Variants in GASK1A observed in about 807,000 individuals in gnomAD.
The protein encoded by GASK1A is golgi associated kinase 1A.
GASK1A carries 40 observed loss-of-function variants against 41.2 expected under a neutral mutation model. That is an observed-to-expected ratio of 0.97 (90% CI 0.75 to 1.27). GASK1A has a LOEUF of 1.27. Among genes scored for constraint, GASK1A ranks in the 50% most tolerant of loss-of-function variants. The probability of loss-of-function intolerance (pLI) is 0.00; values close to 1 mark genes in which losing one functional copy is unlikely to be tolerated. For missense variants in GASK1A, 678 were observed against 745.1 expected (o/e 0.91, Z 1.05); for synonymous variants, 316 against 307.1 (o/e 1.03, Z -0.30).
intron 2 of GASK1A, among the ~76,000 whole-genome samples, chr3:43,050,741 G>A (rs986454188): frequency 1.3e-5 from 2 of 151,608 alleles, no homozygotes; most frequent in African/African-American, 4.9e-5. Flanking sequence ...GATAATCTCA[G>A]TGGACCTATC....
At chr3:43,010,612 G>A (rs2089458691) in intron 1 of GASK1A, among the ~76,000 whole-genome samples, 1 of 152,166 alleles carries the variant, frequency 6.6e-6, no homozygotes, top group South Asian at 2.1e-4. Flanking sequence ...CTCTAAGTTT[G>A]ACATTCCTTT....
chr3:43,044,176 G>T (rs1018188627), intron 2 of GASK1A, among the ~76,000 whole-genome samples: 11 of 152,326 alleles, frequency 7.2e-5, no homozygotes, highest in Admixed American at 1.3e-4. Flanking sequence ...CAGGTGTGAA[G>T]CAAAATCCAG....
chr3:43,013,984 G>GTGAAGCCACAGGAAGGGGCTGTA (rs2089477080), intron 1 of GASK1A, among the ~76,000 whole-genome samples: 2 of 151,640 alleles, frequency 1.3e-5, no homozygotes, highest in Non-Finnish European at 2.9e-5. Flanking sequence ...AAGGGGCTGT[G>GTGAAGCCACAGGAAGGGGCTGTA]TGAAGCCACA....
At chr3:42,987,724 T>C (rs1290441182) in intron 1 of GASK1A, among the ~76,000 whole-genome samples, 4 of 151,834 alleles carry the variant, frequency 2.6e-5, no homozygotes, top group Non-Finnish European at 2.9e-5. Context: ...AGAGGCTGGG[T>C]GTGGTGGCTC....
At chr3:42,982,238 A>G (rs1195253919) in intron 1 of GASK1A, among the ~76,000 whole-genome samples, 3 of 152,184 alleles carry the variant, frequency 2.0e-5, no homozygotes, top group African/African-American at 7.2e-5. Flanking sequence ...AGGACTCTGT[A>G]CTTGATGAAA....
Position 43,033,228 on chromosome 3 carries a change from G to A in GASK1A, c.965G>A (p.Arg322Lys). 1 of 1,551,736 alleles carries A rather than the reference G, an allele frequency of 6.4e-7. No homozygotes were observed. The highest frequency in any genetic ancestry group is 1.4e-5 in the African/African-American group (1 of 73,182). Residue 322 changes from arginine to lysine, a missense_variant, in exon 2 of 5, where the codon AGG (arginine) becomes AAG (lysine). Coordinates refer to ENST00000430121, the MANE Select transcript of GASK1A (RefSeq NM_001129908.3). ...CSQGLCGLIKRPGDLPEVLSF... is the reference protein window; with the variant it reads ...CSQGLCGLIKKPGDLPEVLSF... ...CAAGGGCTCTGTGGCCTGATCAAGA[G>A]GCCTGGGGACCTGCCTGAGGTCCTG...
Position 43,032,983 on chromosome 3 carries a change from A to T in GASK1A, c.720A>T (p.Val240=). Residue 240 remains valine, a synonymous_variant, in exon 2 of 5, where the codon GTA becomes GTT. Coordinates refer to ENST00000430121, the MANE Select transcript of GASK1A (RefSeq NM_001129908.3). Reference sequence around the variant, plus strand: ...CTGTTGAGAAGCTGCAAGGGTCAGTATGGTGTGATGCTGAGACGCTGTTGA... The same window carrying T: ...CTGTTGAGAAGCTGCAAGGGTCAGTTTGGTGTGATGCTGAGACGCTGTTGA... ...PGSVEKLQGS[V]WCDAETLLSS... 1 of 1,551,650 alleles carries T rather than the reference A, an allele frequency of 6.4e-7. No homozygotes were observed. The highest frequency in any genetic ancestry group is 8.7e-7 in the Non-Finnish European group (1 of 1,146,942).
At chr3:43,044,496 T>G (rs948596138) in intron 2 of GASK1A, among the ~76,000 whole-genome samples, 1 of 152,182 alleles carries the variant, frequency 6.6e-6, no homozygotes, top group African/African-American at 2.4e-5. Context: ...ACATCCTGTG[T>G]GGTCCTCAAC....
At chr3:43,035,971 G>C (rs892766341) in intron 2 of GASK1A, among the ~76,000 whole-genome samples, 1 of 152,206 alleles carries the variant, frequency 6.6e-6, no homozygotes, top group African/African-American at 2.4e-5. Context: ...GTCCATGAAC[G>C]AGGGCAGGAA....
intron 1 of GASK1A, among the ~76,000 whole-genome samples, chr3:42,999,470 G>A (rs1313115240): frequency 6.6e-6 from 1 of 152,172 alleles, no homozygotes; most frequent in Non-Finnish European, 1.5e-5. Context: ...GGGGAGGAGA[G>A]GAGCTTGTCT....
intron 1 of GASK1A, among the ~76,000 whole-genome samples, chr3:42,983,785 C>T (rs1251652952): frequency 6.6e-6 from 1 of 152,204 alleles, no homozygotes; most frequent in African/African-American, 2.4e-5. Flanking sequence ...GCATACCTGA[C>T]CCAGGCTTTG....
At chr3:43,031,317 C>T (rs904548665) in intron 1 of GASK1A, among the ~76,000 whole-genome samples, 1 of 152,198 alleles carries the variant, frequency 6.6e-6, no homozygotes, top group African/African-American at 2.4e-5. Context: ...CCTTTTGTGG[C>T]TCATGATGCC....
chr3:43,007,515 C>G (rs945950055), intron 1 of GASK1A, among the ~76,000 whole-genome samples: 1 of 152,144 alleles, frequency 6.6e-6, no homozygotes, highest in African/African-American at 2.4e-5. Flanking sequence ...TTTATCCTAT[C>G]AGCACCAGTC....
chr3:43,054,730 A>C (rs1456258742), intron 3 of GASK1A, among the ~76,000 whole-genome samples: 2 of 152,236 alleles, frequency 1.3e-5, no homozygotes, highest in African/African-American at 4.8e-5. Flanking sequence ...ACCACACCAT[A>C]TTCTTTAAGG....
intron 1 of GASK1A, among the ~76,000 whole-genome samples, chr3:42,985,551 G>GTT (rs1274997781): frequency 1.9e-4 from 14 of 74,536 alleles, no homozygotes; most frequent in Admixed American, 9.0e-4. Flanking sequence ...GCATACGTGT[G>GTT]TGTGTGTGTG....
chr3:42,990,836 A>C (rs2089337058), intron 1 of GASK1A, among the ~76,000 whole-genome samples: 1 of 152,224 alleles, frequency 6.6e-6, no homozygotes, highest in Non-Finnish European at 1.5e-5. Flanking sequence ...ACTAAGGCTC[A>C]GAGGAACCAA....
chr3:43,001,034 C>T (rs1020402728), intron 1 of GASK1A, among the ~76,000 whole-genome samples: 1 of 152,098 alleles, frequency 6.6e-6, no homozygotes, highest in South Asian at 2.1e-4. Context: ...GGGTTGAGTC[C>T]ACATTTTCCT....
intron 2 of GASK1A, chr3:43,037,311 G>T: frequency 1.2e-6 from 1 of 868,798 alleles, no homozygotes; most frequent in Non-Finnish European, 2.0e-6. Context: ...TGATGACAGG[G>T]CTCCCAGCCA....
chr3:43,033,333 C>A lies in GASK1A; in HGVS notation c.1070C>A (p.Pro357His), dbSNP rs778481022. The A allele has an allele frequency of 3.2e-6, 5 of 1,551,184 alleles. No individual in the cohort carries two copies. The highest frequency in any genetic ancestry group is 4.4e-6 in the Non-Finnish European group (5 of 1,146,794). ...CGCCGCTTCCATAGCCCCCTCCTGC[C>A]CTACCGATACACAGACGGTGGAGCA... ...VARRFHSPLL[P>H]YRYTDGGARP... Residue 357 changes from proline to histidine, a missense_variant, in exon 2 of 5, where the codon CCC (proline) becomes CAC (histidine). Coordinates refer to ENST00000430121, the MANE Select transcript of GASK1A (RefSeq NM_001129908.3).
Sources: gnomAD v4.1 joint callset for allele counts (sites outside exome capture counted in the v4.1 genomes callset) on GRCh38, gnomAD v4.1.1 for gene constraint, MANE v1.5 for transcripts, NCBI Gene and HGNC (gene_info 2026-07-23, HGNC 2026-07-21) for gene names.